UVRAG: variants seen among roughly 807,000 people sequenced by gnomAD.
The protein encoded by UVRAG is UV radiation resistance-associated gene protein.
UVRAG carries 19 observed loss-of-function variants against 78.0 expected under a neutral mutation model. That is an observed-to-expected ratio of 0.24 (90% confidence interval 0.17 to 0.36). UVRAG has a LOEUF of 0.36. Among genes scored for constraint, UVRAG ranks in the 10% least tolerant of loss-of-function variants. The probability of loss-of-function intolerance (pLI) is 1.00; values close to 1 mark genes in which losing one functional copy is unlikely to be tolerated. For missense variants in UVRAG, 740 were observed against 853.8 expected (o/e 0.87, Z 1.66); for synonymous variants, 323 against 324.6 (o/e 1.00, Z 0.05).
chr11:76,095,808 T>C (rs1444040015), intron 13 of UVRAG, among the ~76,000 whole-genome samples: 1 of 149,440 alleles, frequency 6.7e-6, no homozygotes, highest in Non-Finnish European at 1.5e-5. Context: ...TAGTTTAAGG[T>C]TGCAGTGAGC....
At position 75,910,775 on chromosome 11, in the gene UVRAG, G is replaced by T. The variant is rs1456219149; in HGVS notation, c.508-1179G>T. Reference sequence around the variant, plus strand: ...CTTAAATGACAGAGATACCTATTCTGTTCTTCTTCTGGAATTGTCCTGTAT... The same window carrying T: ...CTTAAATGACAGAGATACCTATTCTTTTCTTCTTCTGGAATTGTCCTGTAT... On this transcript the variant is annotated intron_variant, in intron 5 of 14. Transcript: ENST00000356136. Among the ~76,000 whole-genome samples, 4 of 152,116 alleles carry T rather than the reference G, an allele frequency of 2.6e-5. No individual in the cohort carries two copies. The South Asian group carries it at 8.3e-4, about 32-fold the overall frequency.
intron 6 of UVRAG, among the ~76,000 whole-genome samples, chr11:75,927,674 A>G (rs552489089): frequency 2.6e-5 from 4 of 152,164 alleles, no homozygotes; most frequent in Non-Finnish European, 5.9e-5. Flanking sequence ...CTGAGAAGAA[A>G]ATATTTGAAC....
At chr11:75,848,781 C>T (rs753545037) in intron 1 of UVRAG, among the ~76,000 whole-genome samples, 8 of 152,190 alleles carry the variant, frequency 5.3e-5, no homozygotes, top group Non-Finnish European at 8.8e-5. Flanking sequence ...TACATATCCA[C>T]GTATATAGGA....
chr11:75,857,276 C>G (rs1946311379), intron 2 of UVRAG, among the ~76,000 whole-genome samples: 1 of 152,178 alleles, frequency 6.6e-6, no homozygotes, highest in Non-Finnish European at 1.5e-5. Flanking sequence ...CCTAGAAGGC[C>G]TTTCATGATC....
chr11:76,121,726 T>TC (rs1186740844), intron 14 of UVRAG, among the ~76,000 whole-genome samples: 2 of 152,224 alleles, frequency 1.3e-5, no homozygotes, highest in Non-Finnish European at 2.9e-5. Context: ...ATTTGTGACC[T>TC]CCGTTCTTTA....
chr11:76,127,412 G>C (rs189525493), intron 14 of UVRAG, among the ~76,000 whole-genome samples: 3 of 151,858 alleles, frequency 2.0e-5, no homozygotes, highest in Non-Finnish European at 4.4e-5. Context: ...CCAGCACTTT[G>C]GGAGGCCGAG....
chr11:76,041,014 T>C lies in UVRAG; in HGVS notation c.1226+24034T>C, dbSNP rs115367445. Among the ~76,000 whole-genome samples, 1,365 of 152,180 alleles carry C rather than the reference T, an allele frequency of 9.0e-3. 17 individuals carry two copies. The highest frequency in any genetic ancestry group is 0.031 in the African/African-American group (1,300 of 41,490). Reference sequence around the variant, plus strand: ...ACTGATTAACAATTATATGAAAGTATATCAGAAATGAGTTTGTGAGTGAAA... The same window carrying C: ...ACTGATTAACAATTATATGAAAGTACATCAGAAATGAGTTTGTGAGTGAAA... On this transcript the variant is annotated intron_variant, in intron 12 of 14. Transcript: ENST00000356136.
intron 6 of UVRAG, among the ~76,000 whole-genome samples, chr11:75,923,640 T>G (rs1259554896): frequency 6.6e-6 from 1 of 152,202 alleles, no homozygotes; most frequent in East Asian, 1.9e-4. Flanking sequence ...AGCTAGTAAA[T>G]CATCCAGTTC....
intron 3 of UVRAG, among the ~76,000 whole-genome samples, chr11:75,870,203 A>G (rs1946621156): frequency 6.6e-6 from 1 of 152,210 alleles, no homozygotes; most frequent in South Asian, 2.1e-4. Flanking sequence ...TTGTCTGGCA[A>G]CTGTTTTGTA....
At chr11:75,870,186 T>C (rs1000813189) in intron 3 of UVRAG, among the ~76,000 whole-genome samples, 2 of 152,228 alleles carry the variant, frequency 1.3e-5, no homozygotes, top group Admixed American at 6.5e-5. Flanking sequence ...TTAGGAATTA[T>C]TGCTCATTGT....
At chr11:76,009,886 A>C (rs1471344781) in intron 11 of UVRAG, among the ~76,000 whole-genome samples, 1 of 152,226 alleles carries the variant, frequency 6.6e-6, no homozygotes, top group Non-Finnish European at 1.5e-5. Context: ...TACCTGTCTT[A>C]TATGATTGTT....
chr11:75,960,247 A>G lies in UVRAG; in HGVS notation c.594-1197A>G, dbSNP rs945008021. ...TTTTTTTAAATATCTATGAAGCACA[A>G]TAAAGCAAAATGCAGTAAAGTGAGG... On this transcript the variant is annotated intron_variant, in intron 6 of 14. Transcript: ENST00000356136. Among the ~76,000 whole-genome samples, 2 of 151,974 alleles carry G rather than the reference A, an allele frequency of 1.3e-5. 1 individual carries two copies. The highest frequency in any genetic ancestry group is 3.8e-4 in the East Asian group (2 of 5,198).
At chr11:75,821,261 C>G (rs1945379187) in intron 1 of UVRAG, among the ~76,000 whole-genome samples, 1 of 152,088 alleles carries the variant, frequency 6.6e-6, no homozygotes, top group Non-Finnish European at 1.5e-5. Flanking sequence ...AATTTCATTC[C>G]TTTTTTAAGG....
chr11:76,106,825 T>C (rs1291001044), intron 13 of UVRAG, among the ~76,000 whole-genome samples: 5 of 152,178 alleles, frequency 3.3e-5, no homozygotes, highest in Admixed American at 3.3e-4. Flanking sequence ...TTGGGCCTGC[T>C]GGACCTGCTG....
chr11:76,011,610 T>C (rs1378574923), intron 11 of UVRAG, among the ~76,000 whole-genome samples: 1 of 152,120 alleles, frequency 6.6e-6, no homozygotes, highest in Non-Finnish European at 1.5e-5. Flanking sequence ...AGTGACAGAG[T>C]GAGACTCTGT....
intron 6 of UVRAG, among the ~76,000 whole-genome samples, chr11:75,960,499 G>C (rs367934273): frequency 2.0e-5 from 3 of 152,142 alleles, no homozygotes; most frequent in African/African-American, 7.2e-5. Flanking sequence ...AGGTGCAGTG[G>C]CATAGGGCTG....
chr11:76,108,521 C>G (rs1257488699), intron 13 of UVRAG, among the ~76,000 whole-genome samples: 1 of 152,114 alleles, frequency 6.6e-6, no homozygotes, highest in Non-Finnish European at 1.5e-5. Context: ...GCTGTGACGT[C>G]ATAGTTGATC....
At chr11:75,924,677 C>T (rs1004674468) in intron 6 of UVRAG, among the ~76,000 whole-genome samples, 6 of 152,092 alleles carry the variant, frequency 3.9e-5, no homozygotes, top group Admixed American at 2.0e-4. Flanking sequence ...CGGGAGCCAC[C>T]GTGCCTGGCC....
chr11:75,920,008 G>GTTTTTTTTTTTTTTTTTTTTTTTTTT lies in UVRAG; in HGVS notation c.593+7979_593+8004dup, dbSNP rs140217190. Among the ~76,000 whole-genome samples the GTTTTTTTTTTTTTTTTTTTTTTTTTT allele has an allele frequency of 7.2e-5, 4 of 55,492 alleles. 1 individual carries two copies. Among genetic ancestry groups the GTTTTTTTTTTTTTTTTTTTTTTTTTT allele is most frequent in the African/African-American group, 1.7e-4 (3 of 17,214 alleles). 36.4% of individuals were successfully genotyped at this position (55,492 alleles called of 152,430 possible). On this transcript the variant is annotated intron_variant, in intron 6 of 14. Transcript: ENST00000356136. ...CAAAATTTAAAATAAAATAATTTTG[G>GTTTTTTTTTTTTTTTTTTTTTTTTTT]TTTTTTTTTTTTTTTTTTTTTTTTT...
Sources: allele counts gnomAD v4.1 joint callset (sites outside exome capture counted in the v4.1 genomes callset), GRCh38; gene constraint gnomAD v4.1.1; transcripts MANE v1.5; gene names NCBI Gene and HGNC (gene_info 2026-07-23, HGNC 2026-07-21).